VPS13A: variants seen among roughly 807,000 people sequenced by gnomAD.
VPS13A encodes the protein vacuolar protein sorting 13 homolog A.
A neutral mutation model predicts 390.9 loss-of-function variants in VPS13A; 264 were observed. That is an observed-to-expected ratio of 0.68 (90% CI 0.61 to 0.75). The LOEUF (loss-of-function observed/expected upper bound fraction) is 0.75, where lower values mean the gene tolerates loss of function less well. Among genes scored for constraint, VPS13A ranks in the 30% least tolerant of loss-of-function variants. The pLI is 0.00. For missense variants in VPS13A, 3,409 were observed against 3,733.9 expected, an observed-to-expected ratio of 0.91 and a Z score of 2.27; for synonymous variants, 1,231 against 1,227.1, an observed-to-expected ratio of 1.00 and a Z score of -0.07.
rs116178660 is a variant in VPS13A, at chr9:77,289,301, T to G, written c.3340-4040T>G. On this transcript the variant is annotated intron_variant, in intron 31 of 71. Coordinates refer to ENST00000360280, the MANE Select transcript of VPS13A (RefSeq NM_033305.3). ...ATCTAATCTGACAATCTCTTGGCTTTTAATTTGTGTTTAGACTATTTTATA... is the reference window on the plus strand; with the variant it reads ...ATCTAATCTGACAATCTCTTGGCTTGTAATTTGTGTTTAGACTATTTTATA... 5.8e-3 allele frequency among the ~76,000 whole-genome samples: 877 copies of G among 152,292 alleles called. 12 individuals are homozygous for G. Among genetic ancestry groups the G allele is most frequent in the African/African-American group, 0.02 (846 of 41,568 alleles).
At chr9:77,278,852 G>A (rs4745620) in intron 26 of VPS13A, among the ~76,000 whole-genome samples, 2,421 of 152,280 alleles carry the variant, frequency 0.016, 87 homozygotes, top group Admixed American at 0.083. Context: ...TTGAGCAGAA[G>A]CAGTAATATT....
intron 68 of VPS13A, among the ~76,000 whole-genome samples, chr9:77,397,679 T>C (rs1834174492): frequency 6.6e-6 from 1 of 152,196 alleles, no homozygotes; most frequent in African/African-American, 2.4e-5. Context: ...AAATGTATCA[T>C]TAATTTGGTT....
intron 19 of VPS13A, among the ~76,000 whole-genome samples, chr9:77,240,272 A>T (rs1265938621): frequency 2.0e-5 from 3 of 151,308 alleles, no homozygotes; most frequent in Non-Finnish European, 4.4e-5. Context: ...TTTTTAATAG[A>T]GATGGGGTTT....
At chr9:77,358,941 C>T (rs1232930131) in intron 57 of VPS13A, among the ~76,000 whole-genome samples, 1 of 152,174 alleles carries the variant, frequency 6.6e-6, no homozygotes, top group Admixed American at 6.5e-5. Flanking sequence ...CACCTCCACC[C>T]CACACCACTT....
In VPS13A at chr9:77,357,204, C is replaced by T. The variant is rs543316131; in HGVS notation, c.7806+337C>T. ...CATGGTGGCAGGCGCCTGTAATCCC[C>T]GCTATTCAGGAGGCTGAGGCATGAG... is the stretch of plus-strand genomic sequence containing the variant. On this transcript the variant is annotated intron_variant, in intron 55 of 71. Coordinates refer to ENST00000360280, the MANE Select transcript of VPS13A (RefSeq NM_033305.3). 8.0e-5 allele frequency among the ~76,000 whole-genome samples: 12 copies of T among 150,338 alleles called. No homozygotes were observed. In the South Asian group the frequency reaches 8.4e-4, roughly 11 times the overall value.
At chr9:77,322,279 TG>T in intron 44 of VPS13A, among the ~76,000 whole-genome samples, 1 of 151,888 alleles carries the variant, frequency 6.6e-6, no homozygotes, top group Non-Finnish European at 1.5e-5. Flanking sequence ...TCATTTTTAT[TG>T]GAGGTGAAAT....
At position 77,371,292 on chromosome 9, in the gene VPS13A, A is replaced by G. The variant is rs1832734325; in HGVS notation, c.9077+143A>G. On this transcript the variant is annotated intron_variant, in intron 67 of 71. Coordinates refer to ENST00000360280, the MANE Select transcript of VPS13A (RefSeq NM_033305.3). The stretch of plus-strand genomic sequence containing the variant: ...TACCACATAATACCACAGACTGGGT[A>G]ATTTATAATGAACAGAAATTTATTG... 4.8e-6 allele frequency: 6 copies of G among 1,244,994 alleles called. No homozygotes were observed. The Admixed American group carries it at 6.8e-5, about 14-fold the overall frequency. 77.1% of individuals were successfully genotyped at this position (1,244,994 alleles called of 1,614,324 possible). A position where few individuals can be genotyped will look rare whatever the true frequency, so the allele number is the denominator to read the frequency against.
In VPS13A at chr9:77,351,296, G is replaced by C. The variant is rs574612018; in HGVS notation, c.7290-21G>C. The C allele has an allele frequency of 4.2e-5, 67 of 1,610,482 alleles. 1 individual carries two copies. In the South Asian group the frequency reaches 6.8e-4, roughly 16 times the overall value. On this transcript the variant is annotated intron_variant, in intron 52 of 71. Transcript: ENST00000360280. ...CGTGTACTTGCATTTAATTTAACGCGTATTTTTGCTACTGTGTCAGTTCTC... is the reference window on the plus strand; with the variant it reads ...CGTGTACTTGCATTTAATTTAACGCCTATTTTTGCTACTGTGTCAGTTCTC...
intron 5 of VPS13A, among the ~76,000 whole-genome samples, chr9:77,206,350 C>T (rs1235283776): frequency 3.0e-5 from 4 of 133,732 alleles, no homozygotes; most frequent in South Asian, 2.6e-4. Context: ...TATATACACA[C>T]ACACACATAT....
intron 19 of VPS13A, among the ~76,000 whole-genome samples, chr9:77,246,809 A>C (rs2131258395): frequency 6.6e-6 from 1 of 152,278 alleles, no homozygotes; most frequent in East Asian, 1.9e-4. Flanking sequence ...ATATGATTTT[A>C]TTGAAGATGA....
At position 77,366,626 on chromosome 9, in the gene VPS13A, AT is replaced by A. The variant is rs889132117; in HGVS notation, c.8326-98del. On this transcript the variant is annotated intron_variant, in intron 60 of 71. Transcript: ENST00000360280. The stretch of plus-strand genomic sequence containing the variant: ...ATAATCCAGATAACTTTGAAATCTT[AT>A]TTATGGTGTAGTGAATTTAAAATTA... 6 of 1,039,392 alleles carry A rather than the reference AT, an allele frequency of 5.8e-6. No individual in the cohort carries two copies. The African/African-American group carries it at 9.7e-5, about 17-fold the overall frequency. 64.4% of individuals were successfully genotyped at this position (1,039,392 alleles called of 1,614,324 possible).
At chr9:77,196,855 T>C (rs1278736252) in intron 1 of VPS13A, among the ~76,000 whole-genome samples, 1 of 152,196 alleles carries the variant, frequency 6.6e-6, no homozygotes, top group African/African-American at 2.4e-5. Context: ...GGGATATTTA[T>C]ACATTAGTGG....
At chr9:77,415,805 G>A in intron 71 of VPS13A, 151 bp from the exon 72 acceptor site, 1 of 832,030 alleles carries the variant, frequency 1.2e-6, no homozygotes, top group Non-Finnish European at 2.0e-6. Flanking sequence ...TGAAGTGAAT[G>A]ATCTCTTTTG....
chr9:77,265,837 T>G (rs959123418), intron 23 of VPS13A, among the ~76,000 whole-genome samples: 1 of 152,234 alleles, frequency 6.6e-6, no homozygotes. Context: ...TTCTGCTACC[T>G]TTTGAATTTG....
At chr9:77,305,522 G>A (rs2275550) in intron 34 of VPS13A, 28,593 of 158,704 alleles carry the variant, frequency 0.18, 3,192 homozygotes, top group East Asian at 0.37. Flanking sequence ...TTTGTGTGGG[G>A]CAGCAAAGAC....
intron 68 of VPS13A, among the ~76,000 whole-genome samples, chr9:77,394,272 G>A (rs1834029319): frequency 6.7e-6 from 1 of 150,116 alleles, no homozygotes; most frequent in South Asian, 2.1e-4. Flanking sequence ...TCACCATGTT[G>A]CCCAAGCTAG....
At position 77,407,574 on chromosome 9, in the gene VPS13A, A is replaced by G. The variant is rs1471538963; in HGVS notation, c.9441A>G (p.Lys3147=). Reference sequence around the variant, plus strand: ...TATTTCATGCCAGAGAGTTTGGAAAAATAATTAACTTCAAGACCCCAGAGG... The same window carrying G: ...TATTTCATGCCAGAGAGTTTGGAAAGATAATTAACTTCAAGACCCCAGAGG... ...KSVFHAREFG[K]IINFKTPEDA... Residue 3147 remains lysine, a synonymous_variant, in exon 71 of 72, where the codon AAA becomes AAG. Coordinates refer to ENST00000360280, the MANE Select transcript of VPS13A (RefSeq NM_033305.3). 3.1e-6 allele frequency: 5 copies of G among 1,613,066 alleles called. No homozygotes were observed. The East Asian group carries it at 1.1e-4, about 36-fold the overall frequency.
intron 31 of VPS13A, among the ~76,000 whole-genome samples, chr9:77,289,612 C>T (rs1827531103): frequency 6.6e-6 from 1 of 152,060 alleles, no homozygotes; most frequent in Non-Finnish European, 1.5e-5. Context: ...TACTTTGGTG[C>T]ATGTTGAAAA....
intron 47 of VPS13A, among the ~76,000 whole-genome samples, 167 bp from the exon 48 acceptor site, chr9:77,339,349 G>A (rs1830694718): frequency 6.6e-6 from 1 of 152,040 alleles, no homozygotes; most frequent in African/African-American, 2.4e-5. Context: ...CCGTGTAGAG[G>A]TTTACACAGT....
Sources: gnomAD v4.1 joint callset for allele counts (sites outside exome capture counted in the v4.1 genomes callset) on GRCh38, gnomAD v4.1.1 for gene constraint, MANE v1.5 for transcripts, NCBI Gene and HGNC (gene_info 2026-07-23, HGNC 2026-07-21) for gene names.